Variants in CNTN5 observed in about 807,000 individuals in gnomAD.
CNTN5 encodes the protein contactin-5.
Under a neutral mutation model 129.1 loss-of-function variants are expected in CNTN5, and 77 were observed. The ratio of observed to expected loss-of-function variants is 0.60; its 90% CI spans 0.50 to 0.72. The LOEUF (loss-of-function observed/expected upper bound fraction) is 0.72, where lower values mean the gene tolerates loss of function less well. Among genes scored for constraint, CNTN5 ranks in the 30% least tolerant of loss-of-function variants. The pLI, the probability that CNTN5 is intolerant of heterozygous loss-of-function variation, is 0.00. For missense variants in CNTN5, 1,478 were observed against 1,328.8 expected (o/e 1.11, Z -1.75); for synonymous variants, 509 against 465.6 (o/e 1.09, Z -1.20).
chr11:100,133,214 A>G (rs1418298464), intron 13 of CNTN5, among the ~76,000 whole-genome samples: 1 of 152,134 alleles, frequency 6.6e-6, no homozygotes, highest in Non-Finnish European at 1.5e-5. Flanking sequence ...GTTAATGGTG[A>G]GTTCAACCCA....
At chr11:99,627,786 A>C (rs1272341737) in intron 3 of CNTN5, among the ~76,000 whole-genome samples, 1 of 151,816 alleles carries the variant, frequency 6.6e-6, no homozygotes, top group East Asian at 1.9e-4. Context: ...ATCTGAAAGG[A>C]TATAAATAGA....
At chr11:99,640,121 T>G (rs1241328006) in intron 3 of CNTN5, among the ~76,000 whole-genome samples, 1 of 152,180 alleles carries the variant, frequency 6.6e-6, no homozygotes, top group Non-Finnish European at 1.5e-5. Context: ...AACAAGTCTC[T>G]AAGAAGTTCC....
intron 1 of CNTN5, among the ~76,000 whole-genome samples, chr11:99,059,472 C>A (rs1305529034): frequency 2.6e-5 from 4 of 152,068 alleles, no homozygotes. Flanking sequence ...TAAATGCACA[C>A]AGAATATGGC....
intron 13 of CNTN5, among the ~76,000 whole-genome samples, chr11:100,080,899 A>G (rs909203631): frequency 1.3e-5 from 2 of 152,164 alleles, no homozygotes; most frequent in Non-Finnish European, 2.9e-5. Context: ...TGTTTACCTA[A>G]AGGAAGAAAG....
intron 3 of CNTN5, among the ~76,000 whole-genome samples, chr11:99,622,746 G>C (rs915614140): frequency 2.0e-5 from 3 of 151,854 alleles, no homozygotes; most frequent in African/African-American, 7.3e-5. Flanking sequence ...GAAAAGGCCC[G>C]TTCCCTGGAA....
At chr11:99,868,520 T>A (rs1591337945) in intron 6 of CNTN5, among the ~76,000 whole-genome samples, 1 of 152,220 alleles carries the variant, frequency 6.6e-6, no homozygotes, top group African/African-American at 2.4e-5. Flanking sequence ...CTTAGGTTTC[T>A]GATTTCAAAG....
At chr11:100,309,004 A>T in intron 21 of CNTN5, 1 of 984,984 alleles carries the variant, frequency 1.0e-6, no homozygotes, top group Non-Finnish European at 1.2e-6. Flanking sequence ...TCAAATGAAT[A>T]ACATCAATGA....
At chr11:99,986,960 C>T (rs1216313064) in intron 8 of CNTN5, among the ~76,000 whole-genome samples, 1 of 152,084 alleles carries the variant, frequency 6.6e-6, no homozygotes, top group African/African-American at 2.4e-5. Flanking sequence ...ATGGAGAGAA[C>T]ATCAGCTTAT....
intron 3 of CNTN5, among the ~76,000 whole-genome samples, chr11:99,639,691 A>G (rs1254903457): frequency 6.8e-6 from 1 of 147,708 alleles, no homozygotes; most frequent in Non-Finnish European, 1.5e-5. Context: ...CAGCCTCCCA[A>G]GTAGCTGAGA....
At chr11:100,070,340 G>A (rs753842109) in intron 10 of CNTN5, 84 bp from the exon 11 acceptor site, 14 of 1,372,290 alleles carry the variant, frequency 1.0e-5, no homozygotes, top group East Asian at 2.5e-5. Flanking sequence ...AAAAAAATAC[G>A]TTGAATTTTT....
At chr11:100,333,577 T>C (rs1203183435) in intron 21 of CNTN5, among the ~76,000 whole-genome samples, 1 of 152,042 alleles carries the variant, frequency 6.6e-6, no homozygotes, top group Admixed American at 6.6e-5. Flanking sequence ...GGTACTGATA[T>C]AAAAATAGGC....
intron 13 of CNTN5, among the ~76,000 whole-genome samples, chr11:100,188,269 C>G (rs1591371362): frequency 6.6e-6 from 1 of 152,050 alleles, no homozygotes; most frequent in African/African-American, 2.4e-5. Flanking sequence ...CATGGTGAAA[C>G]CATATCTCTA....
intron 1 of CNTN5, among the ~76,000 whole-genome samples, chr11:99,108,904 A>G (rs1023787438): frequency 2.0e-5 from 3 of 152,016 alleles, no homozygotes; most frequent in African/African-American, 7.2e-5. Context: ...CAGCACAATG[A>G]TCCCCAAGAT....
intron 1 of CNTN5, among the ~76,000 whole-genome samples, chr11:99,031,888 GTA>G (rs1225646531): frequency 2.0e-5 from 3 of 149,426 alleles, no homozygotes; most frequent in Non-Finnish European, 4.4e-5. Context: ...CTAGCATTAG[GTA>G]TATCTCCCAA....
intron 13 of CNTN5, among the ~76,000 whole-genome samples, chr11:100,184,750 C>A (rs1948245354): frequency 6.6e-6 from 1 of 152,108 alleles, no homozygotes; most frequent in Non-Finnish European, 1.5e-5. Context: ...AAAACTATTA[C>A]TTTTCTATTT....
chr11:100,184,971 A>T (rs1948253094), intron 13 of CNTN5, among the ~76,000 whole-genome samples: 1 of 151,478 alleles, frequency 6.6e-6, no homozygotes, highest in Admixed American at 6.6e-5. Context: ...TCTCATGAGG[A>T]CTGATGGTTT....
At chr11:99,844,526 G>A in intron 4 of CNTN5, 1 of 336,448 alleles carries the variant, frequency 3.0e-6, no homozygotes, top group Non-Finnish European at 5.6e-6. Context: ...GGTTTTTTAA[G>A]ATATTGTTTA....
At chr11:99,619,051 T>C (rs897364735) in intron 3 of CNTN5, among the ~76,000 whole-genome samples, 1 of 152,096 alleles carries the variant, frequency 6.6e-6, no homozygotes, top group African/African-American at 2.4e-5. Context: ...GCTTATAAAA[T>C]CATTTAATGT....
At chr11:100,314,417 G>T (rs1163938679) in intron 21 of CNTN5, among the ~76,000 whole-genome samples, 4 of 152,070 alleles carry the variant, frequency 2.6e-5, no homozygotes, top group Non-Finnish European at 5.9e-5. Flanking sequence ...AGGTAAATTA[G>T]AAACAAGATA....
Sources: allele counts gnomAD v4.1 joint callset (sites outside exome capture counted in the v4.1 genomes callset), GRCh38; gene constraint gnomAD v4.1.1; transcripts MANE v1.5; gene names NCBI Gene and HGNC (gene_info 2026-07-23, HGNC 2026-07-21).